MYL4: variants seen among roughly 807,000 people sequenced by gnomAD.
MYL4 encodes atrial myosin light chain 1.
MYL4 carries 16 observed loss-of-function variants against 21.6 expected under a neutral mutation model. The observed-to-expected ratio is 0.74, with a 90% CI of 0.50 to 1.12. MYL4 has a LOEUF of 1.12. Among genes scored for constraint, MYL4 ranks in the 50% most tolerant of loss-of-function variants. The probability of loss-of-function intolerance (pLI) is 0.00; values close to 1 mark genes in which losing one functional copy is unlikely to be tolerated. For missense variants in MYL4, 249 were observed against 252.9 expected, an observed-to-expected ratio of 0.98 and a Z score of 0.11; for synonymous variants, 82 against 95.7, an observed-to-expected ratio of 0.86 and a Z score of 0.83.
chr17:47,221,203 C>A (rs2064853211), intron 3 of MYL4, among the ~76,000 whole-genome samples: 1 of 152,186 alleles, frequency 6.6e-6, no homozygotes, highest in South Asian at 2.1e-4. Flanking sequence ...TAGCTTCAAG[C>A]TGTGTGGTCT....
At chr17:47,209,934 T>A (rs1451727013) in intron 1 of MYL4, among the ~76,000 whole-genome samples, 1 of 152,122 alleles carries the variant, frequency 6.6e-6, no homozygotes, top group Non-Finnish European at 1.5e-5. Context: ...GGGATATCTT[T>A]ATGGAGAACA....
chr17:47,224,410 A>C (rs1733608888), downstream of MYL4, among the ~76,000 whole-genome samples: 1 of 152,196 alleles, frequency 6.6e-6, no homozygotes, highest in African/African-American at 2.4e-5. Flanking sequence ...GGTCCCTCCC[A>C]CAACACATGG....
intron 1 of MYL4, chr17:47,209,849 A>C: frequency 1.8e-6 from 1 of 541,260 alleles, no homozygotes; most frequent in South Asian, 2.0e-5. Flanking sequence ...CCAACCATCC[A>C]TCCACCCTTT....
chr17:47,211,047 T>G (rs2064770539), intron 1 of MYL4, among the ~76,000 whole-genome samples: 1 of 152,102 alleles, frequency 6.6e-6, no homozygotes, highest in Non-Finnish European at 1.5e-5. Flanking sequence ...GGCCTGTCAC[T>G]TCTTTCATTC....
At chr17:47,197,597 A>G (rs2097672226), upstream of MYL4, among the ~76,000 whole-genome samples, 1 of 152,182 alleles carries the variant, frequency 6.6e-6, no homozygotes, top group Non-Finnish European at 1.5e-5. Context: ...GTGTAGAAGC[A>G]ATGTGCAGTC....
At chr17:47,212,081 TG>T (rs1488894604) in intron 1 of MYL4, among the ~76,000 whole-genome samples, 1 of 152,034 alleles carries the variant, frequency 6.6e-6, no homozygotes, top group Non-Finnish European at 1.5e-5. Context: ...AAAAATTAGC[TG>T]GGCGTTATGG....
intron 3 of MYL4, among the ~76,000 whole-genome samples, chr17:47,220,447 C>G (rs548686689): frequency 6.6e-6 from 1 of 152,162 alleles, no homozygotes; most frequent in South Asian, 2.1e-4. Flanking sequence ...TGGTGGCCAT[C>G]GCGAGCTGTA....
chr17:47,205,082 G>C (rs556412414), upstream of MYL4, among the ~76,000 whole-genome samples: 1 of 152,190 alleles, frequency 6.6e-6, no homozygotes, highest in Non-Finnish European at 1.5e-5. Context: ...GAGTGTTTGC[G>C]AGCTCAGCCC....
chr17:47,197,092 GTTTTTTTT>G (rs71365051), upstream of MYL4, among the ~76,000 whole-genome samples: 1 of 113,354 alleles, frequency 8.8e-6, no homozygotes, highest in Non-Finnish European at 1.7e-5. Flanking sequence ...TCCTTAAAGG[GTTTTTTTT>G]TTTTTTTTTT....
chr17:47,220,149 C>G, intron 3 of MYL4, 96 bp downstream of exon 3: 1 of 1,413,256 alleles, frequency 7.1e-7, no homozygotes, highest in Non-Finnish European at 9.3e-7. Context: ...TGCACTCTCT[C>G]TTCTCCTGCT....
chr17:47,208,138 G>A (rs2064741459), upstream of MYL4, among the ~76,000 whole-genome samples: 1 of 152,192 alleles, frequency 6.6e-6, no homozygotes, highest in Non-Finnish European at 1.5e-5. Flanking sequence ...TACCTGGCCT[G>A]GCGTGGCGGC....
intron 2 of MYL4, among the ~76,000 whole-genome samples, chr17:47,217,262 G>A (rs2064822078): frequency 6.6e-6 from 1 of 152,058 alleles, no homozygotes; most frequent in African/African-American, 2.4e-5. Flanking sequence ...TTGGAGACCA[G>A]CCTGGCCAAC....
the MYL4 span, among the ~76,000 whole-genome samples, chr17:47,194,541 A>G: frequency 6.6e-6 from 1 of 152,202 alleles, no homozygotes; most frequent in South Asian, 2.1e-4. Flanking sequence ...TCCAATATCT[A>G]GTCGCAACGA....
At chr17:47,207,053 G>A (rs893358603), upstream of MYL4, among the ~76,000 whole-genome samples, 7 of 152,190 alleles carry the variant, frequency 4.6e-5, no homozygotes, top group Non-Finnish European at 7.3e-5. Context: ...AAGGAATCAA[G>A]TTTGGTAGCC....
At chr17:47,195,131 TCA>T in the MYL4 span, among the ~76,000 whole-genome samples, 5 of 145,782 alleles carry the variant, frequency 3.4e-5, no homozygotes, top group African/African-American at 1.3e-4. Flanking sequence ...CACTCTTGGC[TCA>T]CTGCAAACTC....
At chr17:47,190,572 TA>T in the MYL4 span, among the ~76,000 whole-genome samples, 3 of 152,296 alleles carry the variant, frequency 2.0e-5, no homozygotes, top group East Asian at 5.8e-4. Context: ...CTTTCATTTT[TA>T]AAAACAAGGC....
At chr17:47,219,759 C>T (rs116267646) in intron 2 of MYL4, 145 bp from the exon 3 acceptor site, 14 of 997,134 alleles carry the variant, frequency 1.4e-5, no homozygotes, top group East Asian at 1.0e-4. Flanking sequence ...GTTCGAGGGA[C>T]GGCCTGGGAT....
At chr17:47,217,003 A>G (rs1236031541) in intron 2 of MYL4, among the ~76,000 whole-genome samples, 1 of 152,094 alleles carries the variant, frequency 6.6e-6, no homozygotes, top group Non-Finnish European at 1.5e-5. Context: ...ACATCATTAC[A>G]TCTTCTTTTG....
chr17:47,195,083 A>C, the MYL4 span, among the ~76,000 whole-genome samples: 37 of 128,898 alleles, frequency 2.9e-4, no homozygotes, highest in Middle Eastern at 5.0e-3. Flanking sequence ...TTTGAGACAG[A>C]GTCTCACTGT....
Sources: allele counts gnomAD v4.1 joint callset (sites outside exome capture counted in the v4.1 genomes callset), GRCh38; gene constraint gnomAD v4.1.1; transcripts MANE v1.5; gene names NCBI Gene and HGNC (gene_info 2026-07-23, HGNC 2026-07-21).